Variants in TMEM98 observed in about 807,000 individuals in gnomAD.
The protein encoded by TMEM98 is transmembrane protein 98.
In TMEM98, 18 loss-of-function variants were observed where a neutral mutation model predicts 25.0. The ratio of observed to expected loss-of-function variants is 0.72; its 90% CI spans 0.50 to 1.07. TMEM98 has a LOEUF of 1.07. Ranked by LOEUF, TMEM98 falls within the 50% of genes least tolerant of loss-of-function variation. The pLI is 0.00. For synonymous variants in TMEM98, 103 were observed against 112.4 expected, an observed-to-expected ratio of 0.92 and a Z score of 0.53; for missense variants, 241 against 289.0, an observed-to-expected ratio of 0.83 and a Z score of 1.20.
chr17:32,935,639 C>G (rs1266929927), intron 5 of TMEM98, among the ~76,000 whole-genome samples: 1 of 152,082 alleles, frequency 6.6e-6, no homozygotes, highest in Non-Finnish European at 1.5e-5. Context: ...CCTCTACTGT[C>G]CAGCTCCAAG....
Position 32,931,493 on chromosome 17 carries a change from A to G in TMEM98, c.-36A>G. ...TCTCAAGCTTTAGCCCATGAGGAGG[A>G]TGTGACCGGGACTGAGTCAGGAGCC... On this transcript the variant is annotated 5_prime_UTR_variant, in exon 3 of 8. The change abolishes an upstream ATG in the 5' untranslated region. Coordinates refer to ENST00000579849, the MANE Select transcript of TMEM98 (RefSeq NM_015544.3). 6.3e-7 allele frequency: 1 copy of G among 1,597,782 alleles called. No homozygotes were observed. Among genetic ancestry groups the G allele is most frequent in the South Asian group, 1.1e-5 (1 of 88,214 alleles).
Position 32,941,102 on chromosome 17 carries a change from A to T in TMEM98, c.*109A>T. On this transcript the variant is annotated 3_prime_UTR_variant, in exon 8 of 8. Coordinates refer to ENST00000579849, the MANE Select transcript of TMEM98 (RefSeq NM_015544.3). ...AGTTAGTTGTTCTCCACGGCTGGAG[A>T]GTTCAGCTGTGTGTGCATAGTAAAG... is the stretch of plus-strand genomic sequence containing the variant. The T allele has an allele frequency of 2.1e-6, 2 of 958,856 alleles. No homozygotes were observed. The highest frequency in any genetic ancestry group is 3.0e-6 in the Non-Finnish European group (2 of 658,464). The allele number at this position is 958,856 out of a possible 1,614,324, so 59.4% of individuals were successfully genotyped here.
chr17:32,928,942 T>G (rs1002864559), intron 1 of TMEM98, among the ~76,000 whole-genome samples: 1 of 115,240 alleles, frequency 8.7e-6, no homozygotes, highest in Admixed American at 9.0e-5. Context: ...AGAAGCACAC[T>G]CAAACATTCA....
intron 7 of TMEM98, among the ~76,000 whole-genome samples, chr17:32,940,061 C>T (rs778419770): frequency 3.9e-5 from 6 of 152,202 alleles, no homozygotes; most frequent in African/African-American, 7.2e-5. Context: ...TAGATTCTTT[C>T]GTGCCTTGGA....
chr17:32,936,307 A>T, intron 5 of TMEM98, 25 bp from the exon 6 acceptor site: 2 of 1,602,756 alleles, frequency 1.2e-6, no homozygotes, highest in Non-Finnish European at 1.7e-6. Flanking sequence ...GTCAGCCCTC[A>T]TCTCTCTCCT....
rs558782076 is a variant in TMEM98, at chr17:32,943,003, A to G, written c.*2010A>G. ...GCAGTTCTGAATTGGTATCTCAAAT[A>G]CCATCCACCTGGTGTGGGTCTGCAG... On this transcript the variant is annotated 3_prime_UTR_variant, in exon 8 of 8. Transcript: ENST00000579849. 6.6e-6 allele frequency: 1 copy of G among 152,264 alleles called. No homozygotes were observed. The highest frequency in any genetic ancestry group is 2.1e-4 in the South Asian group (1 of 4,820). 9.4% of individuals were successfully genotyped at this position (152,264 alleles called of 1,614,324 possible).
intron 3 of TMEM98, 147 bp downstream of exon 3, chr17:32,931,806 A>G: frequency 6.4e-6 from 7 of 1,095,336 alleles, no homozygotes; most frequent in Non-Finnish European, 8.9e-6. Flanking sequence ...TAAAGACCTC[A>G]GAGTTTAAGA....
At chr17:32,928,570 G>A (rs2091445639) in intron 1 of TMEM98, among the ~76,000 whole-genome samples, 2 of 151,804 alleles carry the variant, frequency 1.3e-5, no homozygotes, top group African/African-American at 4.8e-5. Context: ...GGAAAGTAAG[G>A]GAGAGAGAAA....
Position 32,941,977 on chromosome 17 carries a change from G to A in TMEM98, c.*984G>A, listed in dbSNP as rs1404846776. The A allele has an allele frequency of 1.3e-5, 2 of 152,220 alleles. No homozygotes were observed. Among genetic ancestry groups the A allele is most frequent in the African/African-American group, 4.8e-5 (2 of 41,416 alleles). The allele number at this position is 152,220 out of a possible 1,614,324, so 9.4% of individuals were successfully genotyped here. Reference sequence around the variant, plus strand: ...GGATCGCTTGAGCCCAGGAGGTGAAGGTTGCAGTGAGCCCTGATTGTGCCA... The same window carrying A: ...GGATCGCTTGAGCCCAGGAGGTGAAAGTTGCAGTGAGCCCTGATTGTGCCA... On this transcript the variant is annotated 3_prime_UTR_variant, in exon 8 of 8. Transcript: ENST00000579849.
chr17:32,931,590 C>G lies in TMEM98; in HGVS notation c.62C>G (p.Ala21Gly), dbSNP rs1329844590. The G allele has an allele frequency of 6.2e-7, 1 of 1,604,238 alleles. No homozygotes were observed. Among genetic ancestry groups the G allele is most frequent in the South Asian group, 1.1e-5 (1 of 88,660 alleles). ...GCCACCATCTTTCTGGCTTCGTTTG[C>G]AGCCTTGGTGCTGGTTTGCAGGCAG... ...VLATIFLASF[A>G]ALVLVCRQRY... is the part of the protein sequence containing the mutation. Residue 21 changes from alanine to glycine, a missense_variant, in exon 3 of 8, where the codon GCA becomes GGA. Transcript: ENST00000579849.
chr17:32,940,709 AAGTC>A, intron 7 of TMEM98, 73 bp from the exon 8 acceptor site: 2 of 1,400,376 alleles, frequency 1.4e-6, no homozygotes, highest in African/African-American at 1.4e-5. Context: ...ACTAGTCAAA[AAGTC>A]TATCTATTTG....
chr17:32,929,215 C>G (rs1379302726), intron 1 of TMEM98, among the ~76,000 whole-genome samples: 1 of 151,980 alleles, frequency 6.6e-6, no homozygotes, highest in Admixed American at 6.5e-5. Flanking sequence ...CTCAGAAGCA[C>G]ACTCTGAGAA....
chr17:32,940,637 G>A, intron 7 of TMEM98, 149 bp from the exon 8 acceptor site: 1 of 755,120 alleles, frequency 1.3e-6, no homozygotes, highest in Non-Finnish European at 2.1e-6. Context: ...ATTTGAGCAT[G>A]GAGCCAACTT....
Position 32,936,435 on chromosome 17 carries a change from G to C in TMEM98, c.401G>C (p.Arg134Pro). ...AGCGACATCATTGTGGTGGCCAAGC[G>C]GATCAGCCCCAGGTGAGCAATTGGC... is the stretch of plus-strand genomic sequence containing the variant. ...SVSDIIVVAK[R>P]ISPRVDDVVK... Residue 134 changes from arginine (R) to proline (P), a missense_variant, in exon 6 of 8, where the codon CGG becomes CCG. Coordinates refer to ENST00000579849, the MANE Select transcript of TMEM98 (RefSeq NM_015544.3). 1 of 1,614,158 alleles carries C rather than the reference G, an allele frequency of 6.2e-7. No homozygotes were observed. Among genetic ancestry groups the C allele is most frequent in the Non-Finnish European group, 8.5e-7 (1 of 1,179,992 alleles).
In TMEM98 at chr17:32,936,405, G is replaced by A. The variant is rs774094477; in HGVS notation, c.371G>A (p.Ser124Asn). Reference sequence around the variant, plus strand: ...GGGGCCAAGATGAAGACTTCAGCCAGTGTCAGCGACATCATTGTGGTGGCC... The same window carrying A: ...GGGGCCAAGATGAAGACTTCAGCCAATGTCAGCGACATCATTGTGGTGGCC... ...GSGAKMKTSA[S>N]VSDIIVVAKR... Residue 124 changes from serine to asparagine, a missense_variant, in exon 6 of 8, where the codon AGT becomes AAT. By Grantham distance (46) the Ser-to-Asn change is conservative. Coordinates refer to ENST00000579849, the MANE Select transcript of TMEM98 (RefSeq NM_015544.3). 1 of 1,614,236 alleles carries A rather than the reference G, an allele frequency of 6.2e-7. No individual in the cohort carries two copies. Among genetic ancestry groups the A allele is most frequent in the East Asian group, 2.2e-5 (1 of 44,888 alleles).
intron 5 of TMEM98, among the ~76,000 whole-genome samples, chr17:32,934,917 T>C (rs905710716): frequency 6.6e-6 from 1 of 152,244 alleles, no homozygotes; most frequent in East Asian, 1.9e-4. Flanking sequence ...GGTAATTTTA[T>C]GGTTTTAGCA....
rs145702356 is a variant in TMEM98, at chr17:32,938,682, C to T, written c.414-795C>T. On this transcript the variant is annotated intron_variant, in intron 6 of 7. Transcript: ENST00000579849. ...GCTTTGTATTTTTTTTTCCTGAATA[C>T]AAGAGTAATTAATGCTTATAAAAAT... is the stretch of plus-strand genomic sequence containing the variant. Among the ~76,000 whole-genome samples, 438 of 151,892 alleles carry T rather than the reference C, an allele frequency of 2.9e-3. 1 individual carries two copies. Among genetic ancestry groups the T allele is most frequent in the African/African-American group, 9.9e-3 (411 of 41,414 alleles).
At position 32,943,877 on chromosome 17, in the gene TMEM98, C is replaced by T. The variant is rs2091543099; in HGVS notation, c.*2884C>T. 1 of 152,272 alleles carries T rather than the reference C, an allele frequency of 6.6e-6. No homozygotes were observed. The highest frequency in any genetic ancestry group is 6.5e-5 in the Admixed American group (1 of 15,276). 9.4% of individuals were successfully genotyped at this position (152,272 alleles called of 1,614,324 possible). On this transcript the variant is annotated 3_prime_UTR_variant, in exon 8 of 8. Transcript: ENST00000579849. ...CTCAGTTACCATGGCTTGGTCCAAG[C>T]AGTGACTTCTGTTCATGGGCTCTGG...
chr17:32,929,261 C>T (rs1317501241), intron 1 of TMEM98, among the ~76,000 whole-genome samples: 2 of 151,512 alleles, frequency 1.3e-5, no homozygotes, highest in African/African-American at 4.9e-5. Context: ...AAACAGCTCA[C>T]GCACACTAAC....
Sources: gnomAD v4.1 joint callset for allele counts (sites outside exome capture counted in the v4.1 genomes callset) on GRCh38, gnomAD v4.1.1 for gene constraint, MANE v1.5 for transcripts, NCBI Gene and HGNC (gene_info 2026-07-23, HGNC 2026-07-21) for gene names.